Variants in FAP observed in about 807,000 individuals in gnomAD.
FAP encodes the protein fibroblast activation protein alpha.
Under a neutral mutation model 126.5 loss-of-function variants are expected in FAP, and 110 were observed. The ratio of observed to expected loss-of-function variants is 0.87; its 90% CI spans 0.74 to 1.02. The LOEUF (loss-of-function observed/expected upper bound fraction) is 1.02. Ranked by LOEUF, FAP falls within the 50% of genes least tolerant of loss-of-function variation. The probability of loss-of-function intolerance (pLI) is 0.00; values close to 1 mark genes in which losing one functional copy is unlikely to be tolerated. For synonymous variants in FAP, 334 were observed against 297.3 expected (o/e 1.12, Z -1.27); for missense variants, 919 against 909.2 (o/e 1.01, Z -0.14).
At chr2:162,197,917 A>G (rs1688321162) in intron 16 of FAP, among the ~76,000 whole-genome samples, 1 of 152,214 alleles carries the variant, frequency 6.6e-6, no homozygotes, top group South Asian at 2.1e-4. Context: ...CAGAGATTGG[A>G]GAATTAGAGA....
rs777603910 is a variant in FAP, at chr2:162,243,335, G to C, written c.-8C>G. On this transcript the variant is annotated 5_prime_UTR_variant, in exon 1 of 26. It adds an upstream start codon to the 5' untranslated region. Transcript: ENST00000188790. Reference sequence around the variant, plus strand: ...GCTTATACTAACCTTCATTTTTCCAGATGTTTTTGAAAGTTAGCTAATTCT... The same window carrying C: ...GCTTATACTAACCTTCATTTTTCCACATGTTTTTGAAAGTTAGCTAATTCT... The C allele has an allele frequency of 1.2e-6, 2 of 1,610,042 alleles. No homozygotes were observed. The highest frequency in any genetic ancestry group is 2.7e-5 in the African/African-American group (2 of 74,668).
intron 6 of FAP, among the ~76,000 whole-genome samples, chr2:162,223,339 CAT>C (rs1037889385): frequency 5.3e-5 from 8 of 151,970 alleles, no homozygotes; most frequent in South Asian, 2.1e-4. Flanking sequence ...ATAAATAGCA[CAT>C]GTTTAATCTG....
chr2:162,193,446 A>T (rs1291429890), intron 17 of FAP: 1 of 152,240 alleles, frequency 6.6e-6, no homozygotes, highest in African/African-American at 2.4e-5. Context: ...CTTCAAAATC[A>T]GTACACAGAT....
chr2:162,220,037 C>G (rs1454439771), intron 6 of FAP, 112 bp from the exon 7 acceptor site: 1 of 725,692 alleles, frequency 1.4e-6, no homozygotes, highest in African/African-American at 1.8e-5. Context: ...GGATCATTCC[C>G]TCTGCACCCA....
chr2:162,226,492 A>C (rs1474009338), intron 3 of FAP, 31 bp downstream of exon 3: 1 of 1,214,934 alleles, frequency 8.2e-7, no homozygotes, highest in Non-Finnish European at 1.2e-6. Flanking sequence ...AATACATAAA[A>C]AAAACCCCTA....
At chr2:162,229,130 A>G (rs947605472) in intron 2 of FAP, among the ~76,000 whole-genome samples, 79 of 152,264 alleles carry the variant, frequency 5.2e-4, no homozygotes, top group Middle Eastern at 6.8e-3. Context: ...TTTCCTATTT[A>G]AGCATCTTTG....
chr2:162,181,915 T>C (rs2300751), intron 21 of FAP, among the ~76,000 whole-genome samples: 1 of 152,238 alleles, frequency 6.6e-6, no homozygotes, highest in Admixed American at 6.5e-5. Flanking sequence ...TTTATCCACA[T>C]ACTAGTTCCT....
At chr2:162,209,288 A>G (rs2106259354) in intron 12 of FAP, among the ~76,000 whole-genome samples, 1 of 152,208 alleles carries the variant, frequency 6.6e-6, no homozygotes, top group East Asian at 1.9e-4. Flanking sequence ...GCATCTACCA[A>G]CCTTCACTTA....
At chr2:162,215,647 T>C (rs182978037) in intron 10 of FAP, among the ~76,000 whole-genome samples, 2 of 152,324 alleles carry the variant, frequency 1.3e-5, no homozygotes, top group Admixed American at 1.3e-4. Flanking sequence ...TGTCTGCTTG[T>C]TGGTCCCAAG....
intron 11 of FAP, among the ~76,000 whole-genome samples, chr2:162,211,827 T>C (rs1432289366): frequency 6.6e-6 from 1 of 152,176 alleles, no homozygotes; most frequent in African/African-American, 2.4e-5. Flanking sequence ...CAGTTTCCTT[T>C]GCCTCTTTGT....
intron 21 of FAP, 87 bp from the exon 22 acceptor site, chr2:162,175,053 G>T: frequency 1.1e-6 from 1 of 897,580 alleles, no homozygotes. Context: ...TCACAATCCG[G>T]ACTGAAGGGA....
At chr2:162,189,575 A>G (rs1687969503) in intron 18 of FAP, 81 bp downstream of exon 18, 1 of 735,534 alleles carries the variant, frequency 1.4e-6, no homozygotes, top group African/African-American at 1.8e-5. Flanking sequence ...TTGCACTGTA[A>G]CATTCACTCT....
intron 1 of FAP, 150 bp downstream of exon 1, chr2:162,243,172 G>A: frequency 1.3e-6 from 1 of 797,116 alleles, no homozygotes; most frequent in South Asian, 1.7e-5. Flanking sequence ...TGTTTCTACA[G>A]TATATTTAGA....
chr2:162,207,521 C>G (rs1469723432), intron 12 of FAP, among the ~76,000 whole-genome samples: 1 of 152,106 alleles, frequency 6.6e-6, no homozygotes, highest in Non-Finnish European at 1.5e-5. Context: ...TTGGGAATGA[C>G]TTTTGATTTA....
intron 2 of FAP, 53 bp downstream of exon 2, chr2:162,242,855 T>A (rs1231634092): frequency 1.5e-6 from 2 of 1,355,392 alleles, no homozygotes; most frequent in African/African-American, 2.9e-5. Context: ...CTTGCATTAG[T>A]ACATTTTCCA....
chr2:162,208,388 C>T (rs1688792564), intron 12 of FAP, among the ~76,000 whole-genome samples: 1 of 152,098 alleles, frequency 6.6e-6, no homozygotes, highest in African/African-American at 2.4e-5. Flanking sequence ...TAAATATGAG[C>T]TTTCAAAAGA....
At chr2:162,189,287 G>A (rs1687959910) in intron 18 of FAP, 115 bp from the exon 19 acceptor site, 2 of 544,954 alleles carry the variant, frequency 3.7e-6, no homozygotes, top group Non-Finnish European at 6.3e-6. Flanking sequence ...AAATTGTTAA[G>A]AATTTAGGAT....
chr2:162,191,490 C>T (rs551349827), intron 17 of FAP, among the ~76,000 whole-genome samples: 1 of 152,062 alleles, frequency 6.6e-6, no homozygotes, highest in Non-Finnish European at 1.5e-5. Flanking sequence ...GGTCAGACCA[C>T]ACATTTTACT....
chr2:162,223,619 G>C lies in FAP; in HGVS notation c.402C>G (p.Asp134Glu). The stretch of plus-strand genomic sequence containing the variant: ...CAGAGGTGATTTACCCATTGCTAAG[G>C]TCATAGATGTAATATGTTGCTGTGT... ...YSYTATYYIY[D>E]LSNGEFVRGN... The change falls in exon 6 of 26, where the codon GAC (aspartate) becomes GAG (glutamate). Residue 134 changes from aspartate (D) to glutamate (E), a missense_variant. Transcript: ENST00000188790. The C allele has an allele frequency of 6.2e-7, 1 of 1,604,196 alleles. No individual in the cohort carries two copies. The highest frequency in any genetic ancestry group is 1.3e-5 in the African/African-American group (1 of 74,816).
Sources: allele counts gnomAD v4.1 joint callset (sites outside exome capture counted in the v4.1 genomes callset), GRCh38; gene constraint gnomAD v4.1.1; transcripts MANE v1.5; gene names NCBI Gene and HGNC (gene_info 2026-07-23, HGNC 2026-07-21).